The following MERTK variants were observed in gnomAD, a reference collection of about 807,000 sequenced individuals.
MERTK encodes tyrosine-protein kinase Mer.
Under a neutral mutation model 99.3 loss-of-function variants are expected in MERTK, and 69 were observed. The ratio of observed to expected loss-of-function variants is 0.70; its 90% confidence interval spans 0.57 to 0.85. The LOEUF (loss-of-function observed/expected upper bound fraction) is 0.85, where lower values mean the gene tolerates loss of function less well. MERTK is among the 40% of genes least tolerant of loss of function. The pLI, the probability that MERTK is intolerant of heterozygous loss-of-function variation, is 0.00. For synonymous variants in MERTK, 426 were observed against 467.6 expected, an observed-to-expected ratio of 0.91 and a Z score of 1.15; for missense variants, 1,125 against 1,249.4, an observed-to-expected ratio of 0.90 and a Z score of 1.50.
intron 7 of MERTK, among the ~76,000 whole-genome samples, chr2:111,979,908 T>TA (rs1438289130): frequency 4.6e-5 from 7 of 152,340 alleles, no homozygotes; most frequent in Middle Eastern, 3.4e-3. Context: ...TGGTCCCTGA[T>TA]ATTCAGTGGG....
intron 5 of MERTK, among the ~76,000 whole-genome samples, chr2:111,966,388 T>C (rs1685358588): frequency 6.6e-6 from 1 of 152,202 alleles, no homozygotes; most frequent in South Asian, 2.1e-4. Context: ...CTAAAAGTTA[T>C]TACTGGAGGA....
At chr2:111,950,738 C>A (rs564851414) in intron 4 of MERTK, among the ~76,000 whole-genome samples, 41 of 152,284 alleles carry the variant, frequency 2.7e-4, no homozygotes, top group African/African-American at 9.9e-4. Flanking sequence ...GGTGAAGCGT[C>A]ACTTCAGGTC....
chr2:111,932,733 T>C (rs1684696724), intron 2 of MERTK, among the ~76,000 whole-genome samples: 2 of 152,220 alleles, frequency 1.3e-5, no homozygotes, highest in Admixed American at 1.3e-4. Flanking sequence ...AGGAGCATTA[T>C]CTTTTATAGA....
chr2:111,967,656 G>C (rs1373555269), intron 5 of MERTK, among the ~76,000 whole-genome samples: 2 of 152,060 alleles, frequency 1.3e-5, no homozygotes, highest in Non-Finnish European at 2.9e-5. Flanking sequence ...GCACACTCAT[G>C]CGTGCACACA....
chr2:111,980,075 AC>A (rs1335668333), intron 7 of MERTK, among the ~76,000 whole-genome samples: 1 of 151,856 alleles, frequency 6.6e-6, no homozygotes, highest in Non-Finnish European at 1.5e-5. Flanking sequence ...TAGATACGAT[AC>A]CCCCCAACTG....
chr2:111,984,842 A>T (rs1227757504), intron 8 of MERTK, among the ~76,000 whole-genome samples: 2 of 152,242 alleles, frequency 1.3e-5, no homozygotes, highest in African/African-American at 4.8e-5. Flanking sequence ...ACTCAGCAGC[A>T]GGCTCCTGCC....
At chr2:112,017,969 A>G (rs61583444) in intron 15 of MERTK, among the ~76,000 whole-genome samples, 37,139 of 152,082 alleles carry the variant, frequency 0.24, 4,825 homozygotes, top group South Asian at 0.32. Context: ...GCCCAGAAGT[A>G]GCACAGTTCC....
intron 1 of MERTK, among the ~76,000 whole-genome samples, chr2:111,906,840 A>G (rs886444315): frequency 1.1e-4 from 16 of 152,344 alleles, no homozygotes; most frequent in Admixed American, 1.0e-3. Context: ...TTTGAGAGGA[A>G]CCTGCAGGGA....
In MERTK at chr2:112,023,241, C is replaced by T. The variant is rs188484048; in HGVS notation, c.2486+847C>T. Reference sequence around the variant, plus strand: ...CATCCTCGCTAACACAGTGAAACCCCGTCTCCGCTAAAAATACAAAAAATT... The same window carrying T: ...CATCCTCGCTAACACAGTGAAACCCTGTCTCCGCTAAAAATACAAAAAATT... On this transcript the variant is annotated intron_variant, in intron 18 of 18. Coordinates refer to ENST00000295408, the MANE Select transcript of MERTK (RefSeq NM_006343.3). Among the ~76,000 whole-genome samples the T allele has an allele frequency of 9.7e-3, 1,481 of 152,078 alleles. 8 individuals carry two copies. The highest frequency in any genetic ancestry group is 0.02 in the Middle Eastern group (6 of 294).
chr2:111,914,412 G>A (rs1684311543), intron 1 of MERTK, among the ~76,000 whole-genome samples: 1 of 152,114 alleles, frequency 6.6e-6, no homozygotes, highest in South Asian at 2.1e-4. Flanking sequence ...CAAGTAGCTG[G>A]GACTGCAGGT....
chr2:111,956,189 C>A (rs150372944), intron 4 of MERTK, among the ~76,000 whole-genome samples: 17 of 152,124 alleles, frequency 1.1e-4, no homozygotes, highest in African/African-American at 2.9e-4. Flanking sequence ...TCATGTATCC[C>A]TGGGCAAGTT....
chr2:112,024,312 G>C (rs185447776), intron 18 of MERTK, among the ~76,000 whole-genome samples: 37 of 152,312 alleles, frequency 2.4e-4, no homozygotes, highest in Admixed American at 1.7e-3. Context: ...GTCTTAGCAG[G>C]GTCTAAGCTG....
At chr2:111,937,793 C>G (rs1167312502) in intron 2 of MERTK, among the ~76,000 whole-genome samples, 1 of 152,232 alleles carries the variant, frequency 6.6e-6, no homozygotes, top group African/African-American at 2.4e-5. Flanking sequence ...CCTTTCAGCT[C>G]GAACTTCCTT....
intron 4 of MERTK, among the ~76,000 whole-genome samples, chr2:111,951,546 T>TATATATATATATATATATAA (rs1439141576): frequency 3.2e-5 from 4 of 123,522 alleles, no homozygotes; most frequent in Non-Finnish European, 7.1e-5. Context: ...TATATATATA[T>TATATATATATATATATATAA]ATACCATAAT....
intron 4 of MERTK, among the ~76,000 whole-genome samples, chr2:111,958,587 A>C (rs187138786): frequency 6.6e-6 from 1 of 152,232 alleles, no homozygotes; most frequent in East Asian, 1.9e-4. Flanking sequence ...GTTTTAATAC[A>C]TTGTGTGGTT....
rs183893351 is a variant in MERTK, at chr2:111,961,734, C to G, written c.758-3457C>G. On this transcript the variant is annotated intron_variant, in intron 4 of 18. Transcript: ENST00000295408. ...CTAGATGGAAAATAACAAAAACCCA[C>G]CAGCACTGATTTTCTTTTTTATGCA... 4.9e-4 allele frequency among the ~76,000 whole-genome samples: 74 copies of G among 152,298 alleles called. 1 individual carries two copies. In the Middle Eastern group the frequency reaches 0.017, roughly 35 times the overall value.
chr2:111,925,086 C>A (rs953542022), intron 1 of MERTK, among the ~76,000 whole-genome samples: 3 of 151,576 alleles, frequency 2.0e-5, no homozygotes, highest in Non-Finnish European at 4.4e-5. Flanking sequence ...CCCCTCCCCA[C>A]CCCCAGTTAG....
intron 4 of MERTK, among the ~76,000 whole-genome samples, chr2:111,959,893 A>G (rs1185342477): frequency 6.6e-6 from 1 of 152,208 alleles, no homozygotes; most frequent in Non-Finnish European, 1.5e-5. Context: ...TTAAAACTGA[A>G]AACTTTTAAA....
chr2:112,024,484 C>T (rs1018902857), intron 18 of MERTK, among the ~76,000 whole-genome samples: 1 of 152,204 alleles, frequency 6.6e-6, no homozygotes, highest in Admixed American at 6.5e-5. Flanking sequence ...GGGCTCTGTG[C>T]CCTGGGTGTG....
Sources: gnomAD v4.1 joint callset for allele counts (sites outside exome capture counted in the v4.1 genomes callset) on GRCh38, gnomAD v4.1.1 for gene constraint, MANE v1.5 for transcripts, NCBI Gene and HGNC (gene_info 2026-07-23, HGNC 2026-07-21) for gene names.